CDK15: variants seen among roughly 807,000 people sequenced by gnomAD.
CDK15 encodes cyclin dependent kinase 15.
CDK15 carries 62 observed loss-of-function variants against 60.3 expected under a neutral mutation model. The observed-to-expected ratio is 1.03, with a 90% confidence interval of 0.84 to 1.27. The LOEUF is 1.27. Ranked by LOEUF, CDK15 falls within the 50% of genes most tolerant of loss-of-function variation. The probability of loss-of-function intolerance (pLI) is 0.00; values close to 1 mark genes in which losing one functional copy is unlikely to be tolerated. For synonymous variants in CDK15, 194 were observed against 195.7 expected, an observed-to-expected ratio of 0.99 and a Z score of 0.07; for missense variants, 541 against 527.8, an observed-to-expected ratio of 1.03 and a Z score of -0.25.
Position 201,847,401 on chromosome 2 carries a change from T to C in CDK15, c.872T>C (p.Ile291Thr), listed in dbSNP as rs1697717847. Residue 291 changes from isoleucine (I) to threonine (T), a missense_variant, in exon 9 of 14, where the codon ATT (isoleucine) becomes ACT (threonine). Ile to Thr is a moderately conservative substitution (Grantham distance 89). Coordinates refer to ENST00000652192, the MANE Select transcript of CDK15 (RefSeq NM_001366386.2). ...GCTAGGGGTGCAGGCTGCATCTTTATTGAAATGTTCCAGGGTCAACCTTTG... is the reference window on the plus strand; with the variant it reads ...GCTAGGGGTGCAGGCTGCATCTTTACTGAAATGTTCCAGGGTCAACCTTTG... Reference protein sequence around the residue: ...LDIWGAGCIFIEMFQGQPLFP... With the variant: ...LDIWGAGCIFTEMFQGQPLFP... 2 of 1,614,012 alleles carry C rather than the reference T, an allele frequency of 1.2e-6. No homozygotes were observed. Among genetic ancestry groups the C allele is most frequent in the East Asian group, 2.2e-5 (1 of 44,884 alleles).
chr2:201,810,735 G>A (rs1695718116), intron 3 of CDK15, among the ~76,000 whole-genome samples: 2 of 152,054 alleles, frequency 1.3e-5, no homozygotes. Flanking sequence ...GAAAAAGGGG[G>A]AGAAAGAGTA....
chr2:201,824,238 A>G (rs1574860315), intron 6 of CDK15, among the ~76,000 whole-genome samples: 1 of 152,300 alleles, frequency 6.6e-6, no homozygotes, highest in East Asian at 1.9e-4. Flanking sequence ...AATTTTAGAA[A>G]CCATTTATAT....
rs112414025 is a variant in CDK15, at chr2:201,837,303, CAGAG to C, written c.851+1558_851+1561del. Among the ~76,000 whole-genome samples the C allele has an allele frequency of 4.9e-3, 601 of 123,690 alleles. 3 individuals are homozygous for C. Among genetic ancestry groups the C allele is most frequent in the African/African-American group, 0.017 (573 of 32,862 alleles). The allele number at this position is 123,690 out of a possible 152,430, so 81.1% of individuals were successfully genotyped here. ...ACCCCGTCTGAAAGAAAGAAAGAAA[CAGAG>C]AGAGAGAGAGAGAGAGAAAGAAAGG... On this transcript the variant is annotated intron_variant, in intron 8 of 13. Coordinates refer to ENST00000652192, the MANE Select transcript of CDK15 (RefSeq NM_001366386.2).
chr2:201,808,136 T>C (rs1027169803), intron 3 of CDK15, among the ~76,000 whole-genome samples, 184 bp downstream of exon 3: 1 of 152,234 alleles, frequency 6.6e-6, no homozygotes, highest in Admixed American at 6.5e-5. Context: ...AAACCTGCCC[T>C]GCCCTAATTA....
intron 10 of CDK15, 37 bp downstream of exon 10, chr2:201,854,974 T>C (rs991849636): frequency 7.5e-6 from 12 of 1,597,636 alleles, no homozygotes; most frequent in Non-Finnish European, 1.0e-5. Flanking sequence ...CTCTGAGAAT[T>C]AGTAATGTAA....
intron 10 of CDK15, among the ~76,000 whole-genome samples, chr2:201,857,947 C>T (rs1433797129): frequency 6.6e-6 from 1 of 152,082 alleles, no homozygotes; most frequent in African/African-American, 2.4e-5. Flanking sequence ...AGATGAGCAC[C>T]GTGTCAGCAG....
chr2:201,877,227 C>G (rs1326142885), intron 11 of CDK15, among the ~76,000 whole-genome samples: 4 of 152,178 alleles, frequency 2.6e-5, no homozygotes, highest in Non-Finnish European at 5.9e-5. Context: ...CATGCTAACA[C>G]AAGTTTAAAA....
chr2:201,839,235 G>A lies in CDK15; in HGVS notation c.851+3472G>A, dbSNP rs565434842. Among the ~76,000 whole-genome samples the A allele has an allele frequency of 2.0e-5, 3 of 152,074 alleles. No individual in the cohort carries two copies. The South Asian group carries it at 6.2e-4, about 32-fold the overall frequency. On this transcript the variant is annotated intron_variant, in intron 8 of 13. Coordinates refer to ENST00000652192, the MANE Select transcript of CDK15 (RefSeq NM_001366386.2). ...TGCAATAATACTTGATACCTTGTAG[G>A]CCAAGTCTCCCAGCCTATTCATCTT...
chr2:201,816,515 A>C (rs1296887530), intron 4 of CDK15, among the ~76,000 whole-genome samples: 1 of 115,816 alleles, frequency 8.6e-6, no homozygotes, highest in Non-Finnish European at 1.7e-5. Context: ...CAGTGTACAA[A>C]TTTTCTTTAT....
At chr2:201,845,107 C>G (rs1354829578) in intron 8 of CDK15, among the ~76,000 whole-genome samples, 1 of 151,822 alleles carries the variant, frequency 6.6e-6, no homozygotes, top group Non-Finnish European at 1.5e-5. Context: ...TGAGATTGCA[C>G]CACTGCACTC....
chr2:201,889,123 G>A (rs914531300), intron 12 of CDK15: 17 of 985,252 alleles, frequency 1.7e-5, no homozygotes, highest in Middle Eastern at 5.2e-4. Context: ...TAGGCCAGGC[G>A]AGGCAGAGCT....
chr2:201,854,454 G>A (rs1698054694), intron 9 of CDK15, among the ~76,000 whole-genome samples: 1 of 152,220 alleles, frequency 6.6e-6, no homozygotes, highest in Non-Finnish European at 1.5e-5. Context: ...AATTTAAGCT[G>A]TCAAGTGTCT....
chr2:201,862,086 A>G (rs1203699558), intron 10 of CDK15, among the ~76,000 whole-genome samples: 3 of 152,162 alleles, frequency 2.0e-5, no homozygotes, highest in African/African-American at 4.8e-5. Context: ...GAGTTTTCAA[A>G]TGCCTACCTA....
chr2:201,847,619 C>T (rs1697727862), intron 9 of CDK15, 145 bp downstream of exon 9: 1 of 682,106 alleles, frequency 1.5e-6, no homozygotes, highest in Admixed American at 2.7e-5. Flanking sequence ...GCATTTGCCA[C>T]AGCTATAAGC....
In CDK15 at chr2:201,807,656, C is replaced by T. The variant is rs1410563894; in HGVS notation, c.273+13C>T. 1 of 1,613,748 alleles carries T rather than the reference C, an allele frequency of 6.2e-7. No individual in the cohort carries two copies. The highest frequency in any genetic ancestry group is 8.5e-7 in the Non-Finnish European group (1 of 1,179,864). On this transcript the variant is annotated intron_variant, in intron 2 of 13. Coordinates refer to ENST00000652192, the MANE Select transcript of CDK15 (RefSeq NM_001366386.2). The stretch of plus-strand genomic sequence containing the variant: ...GGGTTTTCAGTGGGTGAGTGAGCAG[C>T]TGATGTTGATCAAGAAGAATTTAAT...
chr2:201,828,767 A>T (rs1696619960), intron 6 of CDK15, among the ~76,000 whole-genome samples: 1 of 152,182 alleles, frequency 6.6e-6, no homozygotes, highest in African/African-American at 2.4e-5. Context: ...ATGAGAGTTC[A>T]GCTATCCAGA....
chr2:201,866,938 A>G (rs1156319750), intron 10 of CDK15, among the ~76,000 whole-genome samples: 1 of 152,158 alleles, frequency 6.6e-6, no homozygotes, highest in Non-Finnish European at 1.5e-5. Context: ...ATGTAGCTAC[A>G]AAATAGAGGT....
intron 3 of CDK15, chr2:201,808,618 T>A (rs1029487167): frequency 6.6e-6 from 1 of 152,180 alleles, no homozygotes; most frequent in African/African-American, 2.4e-5. Context: ...TTTTTCTTTA[T>A]GTTACTCCAA....
At chr2:201,844,975 C>T (rs1301880192) in intron 8 of CDK15, among the ~76,000 whole-genome samples, 1 of 152,006 alleles carries the variant, frequency 6.6e-6, no homozygotes, top group Non-Finnish European at 1.5e-5. Context: ...ATGGTGAAAC[C>T]CTGTCTGTAC....
Sources: allele counts gnomAD v4.1 joint callset (sites outside exome capture counted in the v4.1 genomes callset), GRCh38; gene constraint gnomAD v4.1.1; transcripts MANE v1.5; gene names NCBI Gene and HGNC (gene_info 2026-07-23, HGNC 2026-07-21).